SDC2: variants seen among roughly 807,000 people sequenced by gnomAD.
The protein encoded by SDC2 is syndecan 2.
A neutral mutation model predicts 22.2 loss-of-function variants in SDC2; 13 were observed. That is an observed-to-expected ratio of 0.59 (90% CI 0.38 to 0.93). SDC2 has a LOEUF of 0.93. SDC2 is among the 40% of genes least tolerant of loss of function. The pLI, the probability that SDC2 is intolerant of heterozygous loss-of-function variation, is 0.00. For synonymous variants in SDC2, 94 were observed against 92.8 expected (o/e 1.01, Z -0.07); for missense variants, 235 against 246.8 (o/e 0.95, Z 0.32).
intron 1 of SDC2, among the ~76,000 whole-genome samples, chr8:96,527,318 A>G (rs1241904007): frequency 6.6e-6 from 1 of 152,114 alleles, no homozygotes; most frequent in South Asian, 2.1e-4. Context: ...TCTTTGTTCT[A>G]TCACCCCTGC....
chr8:96,580,573 G>A, intron 1 of SDC2: 2 of 967,872 alleles, frequency 2.1e-6, no homozygotes, highest in Non-Finnish European at 2.5e-6. Flanking sequence ...CTGGAGGTGA[G>A]TGTGCCTGAA....
chr8:96,493,880 T>C lies in SDC2; in HGVS notation c.-392T>C, dbSNP rs909970972. 1.5e-4 allele frequency: 29 copies of C among 192,924 alleles called. No homozygotes were observed. The highest frequency in any genetic ancestry group is 2.4e-4 in the Non-Finnish European group (23 of 94,484). 12.0% of individuals were successfully genotyped at this position (192,924 alleles called of 1,614,324 possible). A position where few individuals can be genotyped will look rare whatever the true frequency, so the allele number is the denominator to read the frequency against. On this transcript the variant is annotated 5_prime_UTR_variant, in exon 1 of 5. Transcript: ENST00000302190. ...CCGCTCTGCCCCTAAACTTCTGCCG[T>C]AGCTCCCTTTCAAGCCAGCGAATTT...
At chr8:96,524,211 T>C (rs1813542064) in intron 1 of SDC2, among the ~76,000 whole-genome samples, 1 of 152,162 alleles carries the variant, frequency 6.6e-6, no homozygotes, top group East Asian at 1.9e-4. Context: ...TAGGCAGAAA[T>C]TGCAGCCAGA....
At chr8:96,505,363 G>A (rs1172622414) in intron 1 of SDC2, among the ~76,000 whole-genome samples, 3 of 152,038 alleles carry the variant, frequency 2.0e-5, no homozygotes, top group Non-Finnish European at 2.9e-5. Context: ...GAGTGCAGTG[G>A]TGCGATCTCG....
At chr8:96,527,839 C>G (rs965811252) in intron 1 of SDC2, among the ~76,000 whole-genome samples, 5 of 152,100 alleles carry the variant, frequency 3.3e-5, no homozygotes, top group Non-Finnish European at 7.4e-5. Context: ...AAACAAAAAG[C>G]CTGTTTTTTA....
intron 1 of SDC2, among the ~76,000 whole-genome samples, chr8:96,591,553 G>A (rs1429480907): frequency 6.6e-6 from 1 of 152,160 alleles, no homozygotes; most frequent in East Asian, 1.9e-4. Flanking sequence ...ACTCTGCTGA[G>A]GGGCAAGAAA....
Position 96,608,288 on chromosome 8 carries a change from A to G in SDC2, c.307-47A>G, listed in dbSNP as rs541011349. 9.5e-5 allele frequency: 150 copies of G among 1,577,628 alleles called. 1 individual carries two copies. In the South Asian group the frequency reaches 1.7e-3, roughly 18 times the overall value. ...ACTCATCTATTATTTCTTCTTTCCA[A>G]CACATTTCCTTAAATCAATGTAATC... On this transcript the variant is annotated intron_variant, in intron 3 of 4. Coordinates refer to ENST00000302190, the MANE Select transcript of SDC2 (RefSeq NM_002998.4).
intron 1 of SDC2, among the ~76,000 whole-genome samples, chr8:96,505,200 C>T (rs1563640602): frequency 6.6e-6 from 1 of 152,162 alleles, no homozygotes; most frequent in South Asian, 2.1e-4. Flanking sequence ...CTAAAACTTG[C>T]ATACAAGTTG....
intron 1 of SDC2, among the ~76,000 whole-genome samples, chr8:96,548,978 G>A (rs1386610993): frequency 1.3e-5 from 2 of 152,194 alleles, no homozygotes; most frequent in African/African-American, 2.4e-5. Flanking sequence ...TATTCAGTGC[G>A]ATTTTGCAGC....
At chr8:96,572,410 C>G (rs1253969718) in intron 1 of SDC2, among the ~76,000 whole-genome samples, 1 of 152,050 alleles carries the variant, frequency 6.6e-6, no homozygotes, top group South Asian at 2.1e-4. Flanking sequence ...TGGAGGAGTT[C>G]TGTGCCACAT....
chr8:96,507,008 C>T (rs1245091692), intron 1 of SDC2, among the ~76,000 whole-genome samples: 1 of 105,536 alleles, frequency 9.5e-6, no homozygotes, highest in African/African-American at 4.3e-5. Flanking sequence ...GACTCTGTCT[C>T]AGGAAAAAAA....
At chr8:96,570,089 T>C (rs1359965007) in intron 1 of SDC2, among the ~76,000 whole-genome samples, 3 of 152,246 alleles carry the variant, frequency 2.0e-5, no homozygotes, top group African/African-American at 7.2e-5. Context: ...ACTGATTTAA[T>C]GCTTTTGGCA....
intron 1 of SDC2, among the ~76,000 whole-genome samples, chr8:96,552,441 C>A (rs1172484235): frequency 2.0e-5 from 3 of 152,156 alleles, no homozygotes; most frequent in African/African-American, 7.2e-5. Flanking sequence ...TTCTGTTCAA[C>A]CTCTAAAGGA....
At chr8:96,572,239 G>T (rs1814408689) in intron 1 of SDC2, among the ~76,000 whole-genome samples, 1 of 152,140 alleles carries the variant, frequency 6.6e-6, no homozygotes, top group Non-Finnish European at 1.5e-5. Flanking sequence ...CAGAACCCCT[G>T]GTGGAAAATG....
At chr8:96,499,470 A>G (rs1185907811) in intron 1 of SDC2, among the ~76,000 whole-genome samples, 1 of 152,246 alleles carries the variant, frequency 6.6e-6, no homozygotes, top group Non-Finnish European at 1.5e-5. Flanking sequence ...ATTATGTGCT[A>G]TTCTATGTTA....
At chr8:96,567,798 C>CT (rs1297799515) in intron 1 of SDC2, among the ~76,000 whole-genome samples, 22 of 152,310 alleles carry the variant, frequency 1.4e-4, no homozygotes, top group African/African-American at 5.3e-4. Context: ...CACCCATAGT[C>CT]TGAGAGGTGG....
intron 1 of SDC2, among the ~76,000 whole-genome samples, chr8:96,581,522 C>T (rs1436507978): frequency 6.6e-6 from 1 of 151,986 alleles, no homozygotes; most frequent in Non-Finnish European, 1.5e-5. Context: ...ATCCCAGCTA[C>T]TTGAGAGGCT....
At chr8:96,584,514 A>G (rs1157901939) in intron 1 of SDC2, among the ~76,000 whole-genome samples, 9 of 152,212 alleles carry the variant, frequency 5.9e-5, no homozygotes, top group African/African-American at 2.2e-4. Flanking sequence ...CTGAATACGA[A>G]ATAAATTCCA....
intron 1 of SDC2, among the ~76,000 whole-genome samples, chr8:96,590,110 G>A (rs1019536065): frequency 2.0e-5 from 3 of 152,198 alleles, no homozygotes; most frequent in Admixed American, 6.5e-5. Context: ...CCTCTTGGTC[G>A]TACCTTGTTG....
Sources: allele counts gnomAD v4.1 joint callset (sites outside exome capture counted in the v4.1 genomes callset), GRCh38; gene constraint gnomAD v4.1.1; transcripts MANE v1.5; gene names NCBI Gene and HGNC (gene_info 2026-07-23, HGNC 2026-07-21).